RAB37: variants seen among roughly 807,000 people sequenced by gnomAD.
RAB37 encodes the protein RAB37, member RAS oncogene family, also known as ras-related protein Rab-37.
RAB37 carries 29 observed loss-of-function variants against 33.1 expected under a neutral mutation model. The ratio of observed to expected loss-of-function variants is 0.88; its 90% CI spans 0.65 to 1.20. RAB37 has a LOEUF of 1.20. RAB37 is among the 50% of genes most tolerant of loss of function. The pLI is 0.00. For missense variants in RAB37, 299 were observed against 301.1 expected, an observed-to-expected ratio of 0.99 and a Z score of 0.05; for synonymous variants, 128 against 119.5, an observed-to-expected ratio of 1.07 and a Z score of -0.47.
chr17:74,697,986 T>C (rs1432245935), intron 1 of RAB37, among the ~76,000 whole-genome samples: 4 of 152,170 alleles, frequency 2.6e-5, no homozygotes, highest in African/African-American at 4.8e-5. Flanking sequence ...CCCCATTCCA[T>C]GTCAGCTCAG....
In RAB37 at chr17:74,673,467, C is replaced by A. The variant is rs1056356719; in HGVS notation, c.72+1809C>A. Among the ~76,000 whole-genome samples, 4 of 148,076 alleles carry A rather than the reference C, an allele frequency of 2.7e-5. No individual in the cohort carries two copies. In the Admixed American group the frequency reaches 2.7e-4, roughly 10 times the overall value. ...GAGGAACATAATTACAAATCAATTA[C>A]AAAATTTTCCTGGCAACTAGATATG... On this transcript the variant is annotated intron_variant, in intron 1 of 7. Transcript: ENST00000340415.
chr17:74,732,693 T>A (rs982560940), upstream of RAB37, among the ~76,000 whole-genome samples: 1 of 67,986 alleles, frequency 1.5e-5, no homozygotes, highest in Non-Finnish European at 3.2e-5. Context: ...ATGTGTATGG[T>A]GTGATTTGAG....
chr17:74,726,124 A>G (rs2034303377), intron 1 of RAB37, among the ~76,000 whole-genome samples: 1 of 151,628 alleles, frequency 6.6e-6, no homozygotes, highest in Admixed American at 6.6e-5. Context: ...AGTCCCAGCT[A>G]CTTGGGAGGC....
chr17:74,678,656 C>T (rs1268300956), intron 1 of RAB37, among the ~76,000 whole-genome samples: 1 of 151,058 alleles, frequency 6.6e-6, no homozygotes, highest in Non-Finnish European at 1.5e-5. Context: ...CCTTCTGCCC[C>T]TGGCCACCAC....
intron 1 of RAB37, chr17:74,705,300 A>G (rs1256931396): frequency 1.4e-6 from 1 of 693,554 alleles, no homozygotes; most frequent in Non-Finnish European, 2.7e-6. Flanking sequence ...AATGATTTCT[A>G]GTGGTTCTGG....
rs150725310 is a variant in RAB37, at chr17:74,702,243, C to A, written c.73-27013C>A. 3.3e-3 allele frequency among the ~76,000 whole-genome samples: 501 copies of A among 152,118 alleles called. 1 individual carries two copies. Among genetic ancestry groups the A allele is most frequent in the Non-Finnish European group, 5.3e-3 (361 of 67,972 alleles). The stretch of plus-strand genomic sequence containing the variant: ...AAGGAAGAAATTAAAGGGGACGTTC[C>A]TCTTCTAGAAAGCCCAGCTGACTGC... On this transcript the variant is annotated intron_variant, in intron 1 of 7. Transcript: ENST00000340415.
intron 1 of RAB37, among the ~76,000 whole-genome samples, chr17:74,699,519 GGAA>G (rs1355880671): frequency 5.9e-5 from 9 of 152,094 alleles, no homozygotes; most frequent in Non-Finnish European, 1.0e-4. Flanking sequence ...AACACACACA[GGAA>G]GAAGACCATG....
Position 74,745,101 on chromosome 17 carries a change from G to GAAGGGAAGT in RAB37, c.566+18_566+26dup. 6.2e-7 allele frequency: 1 copy of GAAGGGAAGT among 1,613,784 alleles called. No individual in the cohort carries two copies. Among genetic ancestry groups the GAAGGGAAGT allele is most frequent in the Non-Finnish European group, 8.5e-7 (1 of 1,179,838 alleles). ...CATCGCCAAGTGAGAGCTGGGCAGG[G>GAAGGGAAGT]AAGGGAAGTGTGCGGGGCAGGGCGG... On this transcript the variant is annotated intron_variant, in intron 8 of 8. Coordinates refer to ENST00000392613, the MANE Select transcript of RAB37 (RefSeq NM_001006638.3). The surrounding 1 kb of genome is among the most constrained non-coding windows in gnomAD (Gnocchi z 4.5).
chr17:74,700,159 A>G (rs2032909526), intron 1 of RAB37, among the ~76,000 whole-genome samples: 1 of 150,588 alleles, frequency 6.6e-6, no homozygotes, highest in Non-Finnish European at 1.5e-5. Context: ...AAATAAATAA[A>G]TAAATAAATA....
chr17:74,737,861 T>G (rs1598322232), intron 1 of RAB37, among the ~76,000 whole-genome samples: 1 of 152,230 alleles, frequency 6.6e-6, no homozygotes, highest in African/African-American at 2.4e-5. Context: ...TTCCACCCGC[T>G]GGAGGCACTG....
At chr17:74,689,571 A>G (rs1307519870) in intron 1 of RAB37, among the ~76,000 whole-genome samples, 1 of 152,264 alleles carries the variant, frequency 6.6e-6, no homozygotes, top group East Asian at 1.9e-4. Flanking sequence ...ATAAGAATTT[A>G]CCTACTTGGT....
chr17:74,728,675 TGTGTGTGC>T (rs899908705), intron 1 of RAB37, among the ~76,000 whole-genome samples: 16 of 151,872 alleles, frequency 1.1e-4, no homozygotes, highest in African/African-American at 3.9e-4. Flanking sequence ...TGCATATGTT[TGTGTGTGC>T]ATGTGTGTTC....
At chr17:74,743,841 C>T (rs950901353) in intron 5 of RAB37, among the ~76,000 whole-genome samples, 2 of 152,188 alleles carry the variant, frequency 1.3e-5, no homozygotes, top group Non-Finnish European at 2.9e-5. Context: ...ACCTCAAGGA[C>T]AGTTTGCTGA....
intron 1 of RAB37, chr17:74,704,640 C>G: frequency 6.2e-7 from 1 of 1,614,198 alleles, no homozygotes; most frequent in African/African-American, 1.3e-5. Flanking sequence ...CTCTTCACCT[C>G]CTGCTCTGAC....
rs749015289 is a variant in RAB37 at position 74,671,632 on chromosome 17, G to C, written c.46G>C (p.Asp16His). The change falls in exon 1 of 8, where the codon GAC becomes CAC. Residue 16 changes from aspartate to histidine, a missense_variant. Physicochemically the swap from Asp to His is moderately conservative, Grantham distance 81. Coordinates refer to the RAB37 transcript ENST00000340415. The surrounding 1 kb of genome is among the most constrained non-coding windows in gnomAD (Gnocchi z 5.0). The stretch of plus-strand genomic sequence containing the variant: ...TTCCTACCAGGGAGGAGCTGGCCCT[G>C]ACTTCAACGACCACGTCCTGCATAA... 1.2e-6 allele frequency: 2 copies of C among 1,614,244 alleles called. No homozygotes were observed. Among genetic ancestry groups the C allele is most frequent in the Admixed American group, 1.7e-5 (1 of 60,036 alleles).
In RAB37 at chr17:74,712,904, C is replaced by T. The variant is rs371126964; in HGVS notation, c.73-16352C>T. 7 of 1,609,864 alleles carry T rather than the reference C, an allele frequency of 4.3e-6. No individual in the cohort carries two copies. The African/African-American group carries it at 5.3e-5, about 12-fold the overall frequency. ...CAGGTCCCCGTTCCCCTCAGTGGAG[C>T]CTGGCAGCAGGAACAAACTACAGAC... is the stretch of plus-strand genomic sequence containing the variant. On this transcript the variant is annotated intron_variant, in intron 1 of 7. Transcript: ENST00000340415.
rs761585121 is a variant in RAB37 at position 74,745,001 on chromosome 17, C to A, written c.490-7C>A. 1 of 1,614,234 alleles carries A rather than the reference C, an allele frequency of 6.2e-7. No individual in the cohort carries two copies. Among genetic ancestry groups the A allele is most frequent in the Non-Finnish European group, 8.5e-7 (1 of 1,180,020 alleles). ...CGCTGGCCCTGAGGACACTCTCTCCCGGGCAGGAGTACGGTGTTCCCTTCC... is the reference window on the plus strand; with the variant it reads ...CGCTGGCCCTGAGGACACTCTCTCCAGGGCAGGAGTACGGTGTTCCCTTCC... On this transcript the variant is annotated splice_polypyrimidine_tract_variant and splice_region_variant and intron_variant, in intron 7 of 8. Coordinates refer to ENST00000392613, the MANE Select transcript of RAB37 (RefSeq NM_001006638.3). The surrounding 1 kb of genome is among the most constrained non-coding windows in gnomAD (Gnocchi z 4.5).
At chr17:74,695,015 TGAG>T in intron 1 of RAB37, 1 of 1,462,826 alleles carries the variant, frequency 6.8e-7, no homozygotes, top group Non-Finnish European at 9.3e-7. Flanking sequence ...TTGGTCCTGA[TGAG>T]GGGAGCAGGG....
chr17:74,693,475 C>G (rs567393298), intron 1 of RAB37, among the ~76,000 whole-genome samples: 1 of 151,960 alleles, frequency 6.6e-6, no homozygotes, highest in African/African-American at 2.4e-5. Flanking sequence ...GTTGCTGGGA[C>G]GAGAATGGAC....
Sources: gnomAD v4.1 joint callset for allele counts (sites outside exome capture counted in the v4.1 genomes callset) on GRCh38, gnomAD v4.1.1 for gene constraint, Gnocchi (gnomAD v3.1) non-coding constraint, MANE v1.5 for transcripts, NCBI Gene and HGNC (gene_info 2026-07-23, HGNC 2026-07-21) for gene names.